COBLL1: variants seen among roughly 807,000 people sequenced by gnomAD.
COBLL1 encodes cordon-bleu protein-like 1.
Under a neutral mutation model 94.8 loss-of-function variants are expected in COBLL1, and 50 were observed. That is an observed-to-expected ratio of 0.53 (90% CI 0.42 to 0.67). The LOEUF is 0.67. Among genes scored for constraint, COBLL1 ranks in the 30% least tolerant of loss-of-function variants. COBLL1 has a pLI of 0.00. For synonymous variants in COBLL1, 448 were observed against 473.8 expected (o/e 0.95, Z 0.71); for missense variants, 1,362 against 1,348.7 (o/e 1.01, Z -0.15).
chr2:164,827,004 G>A (rs1161279491), intron 2 of COBLL1, among the ~76,000 whole-genome samples: 2 of 151,850 alleles, frequency 1.3e-5, no homozygotes, highest in Non-Finnish European at 2.9e-5. Context: ...AGGCTAGAGT[G>A]CAGTGGCATG....
rs1479392545 is a variant in COBLL1 at position 164,684,761 on chromosome 2, CA to C, written c.*1184del. On this transcript the variant is annotated 3_prime_UTR_variant, in exon 14 of 14. Coordinates refer to ENST00000652658, the MANE Select transcript of COBLL1 (RefSeq NM_001365672.2). ...AAACTATATATTTTAAAAAGCACCC[CA>C]AATATACAACTTGCTTTTATTAAAT... The C allele has an allele frequency of 6.6e-6, 1 of 151,794 alleles. No individual in the cohort carries two copies. Among genetic ancestry groups the C allele is most frequent in the African/African-American group, 2.4e-5 (1 of 41,320 alleles). 9.4% of individuals were successfully genotyped at this position (151,794 alleles called of 1,614,324 possible).
intron 2 of COBLL1, among the ~76,000 whole-genome samples, chr2:164,802,879 A>G (rs1359900721): frequency 6.6e-6 from 1 of 152,166 alleles, no homozygotes; most frequent in Admixed American, 6.5e-5. Flanking sequence ...AGGCAAACTG[A>G]AAAATGAATA....
intron 3 of COBLL1, among the ~76,000 whole-genome samples, chr2:164,742,921 C>T (rs1574504376): frequency 6.6e-6 from 1 of 152,012 alleles, no homozygotes; most frequent in Non-Finnish European, 1.5e-5. Context: ...AAACAGGATT[C>T]CTGATAACAA....
In COBLL1 at chr2:164,685,859, A is replaced by C. The variant is rs1460567661; in HGVS notation, c.*87T>G. On this transcript the variant is annotated 3_prime_UTR_variant, in exon 14 of 14. Coordinates refer to ENST00000652658, the MANE Select transcript of COBLL1 (RefSeq NM_001365672.2). ...TTTAATAGATAATATATTAGTGTAC[A>C]TCTGAATATACATTTGCCAAAATGT... The C allele has an allele frequency of 1.5e-6, 1 of 660,284 alleles. No homozygotes were observed. The highest frequency in any genetic ancestry group is 2.6e-5 in the Admixed American group (1 of 38,454). 40.9% of individuals were successfully genotyped at this position (660,284 alleles called of 1,614,324 possible).
At chr2:164,805,311 C>A (rs867598657) in intron 2 of COBLL1, among the ~76,000 whole-genome samples, 964 of 34,726 alleles carry the variant, frequency 0.028, 112 homozygotes, top group African/African-American at 0.11. Flanking sequence ...CTCTCTCTCT[C>A]TCTCTCTCTC....
chr2:164,672,835 G>A (rs1415606683), intron 1 of COBLL1, among the ~76,000 whole-genome samples: 2 of 151,660 alleles, frequency 1.3e-5, no homozygotes, highest in Admixed American at 6.6e-5. Context: ...TAGTATTACA[G>A]ATAAAAGACT....
intron 2 of COBLL1, among the ~76,000 whole-genome samples, chr2:164,774,018 T>C (rs1194201401): frequency 6.6e-6 from 1 of 152,178 alleles, no homozygotes; most frequent in Non-Finnish European, 1.5e-5. Flanking sequence ...GAATCCAATT[T>C]TTTGTTTCCT....
intron 3 of COBLL1, among the ~76,000 whole-genome samples, chr2:164,742,536 G>T (rs988405438): frequency 1.2e-4 from 19 of 152,062 alleles, no homozygotes; most frequent in African/African-American, 4.6e-4. Context: ...ACAGCTGCAG[G>T]TGGGAGCCTA....
intron 2 of COBLL1, among the ~76,000 whole-genome samples, chr2:164,757,368 T>C (rs1687464349): frequency 6.6e-6 from 1 of 152,154 alleles, no homozygotes; most frequent in Non-Finnish European, 1.5e-5. Context: ...ATAAAACATA[T>C]CTTAAAAGTA....
chr2:164,780,226 G>A (rs925895458), intron 2 of COBLL1, among the ~76,000 whole-genome samples: 2 of 151,978 alleles, frequency 1.3e-5, no homozygotes, highest in African/African-American at 4.8e-5. Context: ...GCCACTAAGG[G>A]GACTGTTGTA....
At chr2:164,699,164 A>C (rs1684104609) in intron 11 of COBLL1, among the ~76,000 whole-genome samples, 1 of 151,962 alleles carries the variant, frequency 6.6e-6, no homozygotes, top group African/African-American at 2.4e-5. Context: ...CCCAGTTTAA[A>C]TCCTAGGTTC....
At chr2:164,742,872 C>A (rs116013661) in intron 3 of COBLL1, among the ~76,000 whole-genome samples, 72 of 151,522 alleles carry the variant, frequency 4.8e-4, no homozygotes, top group Non-Finnish European at 8.1e-4. Context: ...AGAGAGAGAG[C>A]GAGCGAGCGA....
chr2:164,746,841 T>A (rs576567091), intron 2 of COBLL1, among the ~76,000 whole-genome samples: 6 of 152,086 alleles, frequency 3.9e-5, no homozygotes, highest in Non-Finnish European at 7.4e-5. Flanking sequence ...ACATCCAGAA[T>A]ACCAGGCCCT....
At chr2:164,672,728 A>AAT (rs542639033) in intron 1 of COBLL1, among the ~76,000 whole-genome samples, 16,806 of 130,054 alleles carry the variant, frequency 0.13, 1,597 homozygotes, top group African/African-American at 0.19. Context: ...AAAAAAAAAA[A>AAT]ATGACTTTGT....
chr2:164,823,650 T>C (rs972644688), intron 2 of COBLL1, among the ~76,000 whole-genome samples: 24 of 152,332 alleles, frequency 1.6e-4, no homozygotes, highest in African/African-American at 4.6e-4. Flanking sequence ...CTCATTCTCA[T>C]AGATGACTTC....
chr2:164,745,786 G>A (rs1457563612), intron 2 of COBLL1, among the ~76,000 whole-genome samples: 1 of 152,140 alleles, frequency 6.6e-6, no homozygotes, highest in East Asian at 1.9e-4. Context: ...TTTGGCAGAG[G>A]AAAGTTAATA....
chr2:164,830,750 T>C (rs536648681), intron 2 of COBLL1, among the ~76,000 whole-genome samples: 1 of 152,334 alleles, frequency 6.6e-6, no homozygotes, highest in South Asian at 2.1e-4. Flanking sequence ...GATCAGATTA[T>C]ATTTCAAAAT....
At chr2:164,810,621 T>C (rs1684416166) in intron 2 of COBLL1, among the ~76,000 whole-genome samples, 1 of 151,744 alleles carries the variant, frequency 6.6e-6, no homozygotes, top group African/African-American at 2.4e-5. Context: ...GAACATATTT[T>C]AGTAATTTAT....
rs868548113 is a variant in COBLL1 at position 164,776,505 on chromosome 2, C to T, written c.42-32630G>A. On this transcript the variant is annotated intron_variant, in intron 2 of 13. Coordinates refer to ENST00000652658, the MANE Select transcript of COBLL1 (RefSeq NM_001365672.2). ...TCATAAAGATTCTTAATCAAGTCTA[C>T]GGTAGCATACCAATTGCTAACCCAT... Among the ~76,000 whole-genome samples, 5 of 152,222 alleles carry T rather than the reference C, an allele frequency of 3.3e-5. No individual in the cohort carries two copies. The East Asian group carries it at 5.8e-4, about 18-fold the overall frequency.
Sources: allele counts gnomAD v4.1 joint callset (sites outside exome capture counted in the v4.1 genomes callset), GRCh38; gene constraint gnomAD v4.1.1; transcripts MANE v1.5; gene names NCBI Gene and HGNC (gene_info 2026-07-23, HGNC 2026-07-21).